Variants in SEPTIN2 observed in about 807,000 individuals in gnomAD.
The protein encoded by SEPTIN2 is septin 2.
In SEPTIN2, 34 loss-of-function variants were observed where a neutral mutation model predicts 46.5. The ratio of observed to expected loss-of-function variants is 0.73; its 90% CI spans 0.56 to 0.97. The LOEUF (loss-of-function observed/expected upper bound fraction) is 0.97. Ranked by LOEUF, SEPTIN2 falls within the 50% of genes least tolerant of loss-of-function variation. The pLI is 0.00. For missense variants in SEPTIN2, 347 were observed against 448.4 expected, an observed-to-expected ratio of 0.77 and a Z score of 2.04; for synonymous variants, 175 against 153.4, an observed-to-expected ratio of 1.14 and a Z score of -1.04.
chr2:241,327,699 G>A (rs2149932346), intron 3 of SEPTIN2, among the ~76,000 whole-genome samples: 1 of 151,932 alleles, frequency 6.6e-6, no homozygotes, highest in Admixed American at 6.6e-5. Flanking sequence ...ATAGAGAAAA[G>A]CACACCAAAG....
chr2:241,344,747 T>G (rs1180361366), intron 9 of SEPTIN2, among the ~76,000 whole-genome samples: 2 of 151,894 alleles, frequency 1.3e-5, no homozygotes, highest in Non-Finnish European at 2.9e-5. Context: ...TATTGTAACA[T>G]GCATACATTG....
chr2:241,332,817 CA>C (rs1221634846), intron 3 of SEPTIN2, among the ~76,000 whole-genome samples: 2 of 152,198 alleles, frequency 1.3e-5, no homozygotes, highest in Non-Finnish European at 2.9e-5. Flanking sequence ...GTAGATGCAA[CA>C]ACATGCATCA....
chr2:241,344,909 T>A (rs1203375052), intron 9 of SEPTIN2, among the ~76,000 whole-genome samples: 1 of 151,720 alleles, frequency 6.6e-6, no homozygotes, highest in African/African-American at 2.4e-5. Context: ...GCCGACATGG[T>A]GAAACCAGCC....
At chr2:241,342,961 A>G in intron 7 of SEPTIN2, 31 bp from the exon 8 acceptor site, 2 of 1,300,800 alleles carry the variant, frequency 1.5e-6, no homozygotes, top group Non-Finnish European at 2.2e-6. Context: ...GCAGTTTGCT[A>G]AAATTGATCC....
intron 3 of SEPTIN2, among the ~76,000 whole-genome samples, chr2:241,332,543 G>C (rs1206033550): frequency 1.3e-5 from 2 of 152,212 alleles, no homozygotes; most frequent in Non-Finnish European, 2.9e-5. Context: ...ACTCTTACTA[G>C]TGAGCATGTA....
chr2:241,339,035 T>C (rs1157430105), intron 7 of SEPTIN2, among the ~76,000 whole-genome samples: 1 of 91,282 alleles, frequency 1.1e-5, no homozygotes, highest in East Asian at 2.5e-4. Flanking sequence ...TTTATATACA[T>C]ATTATATATA....
At chr2:241,345,619 G>C (rs541761931) in intron 9 of SEPTIN2, among the ~76,000 whole-genome samples, 3 of 152,316 alleles carry the variant, frequency 2.0e-5, no homozygotes, top group African/African-American at 7.2e-5. Context: ...TTTTAAGAGT[G>C]CTTCATAAGA....
At chr2:241,333,407 C>T (rs77036037) in intron 3 of SEPTIN2, among the ~76,000 whole-genome samples, 1 of 152,190 alleles carries the variant, frequency 6.6e-6, no homozygotes, top group African/African-American at 2.4e-5. Flanking sequence ...TTTTTACACT[C>T]ATATTTAGGC....
chr2:241,316,378 G>C lies in SEPTIN2; in HGVS notation c.-18+396G>C, dbSNP rs1027383832. On this transcript the variant is annotated intron_variant, in intron 1 of 12. Coordinates refer to ENST00000391971, the MANE Select transcript of SEPTIN2 (RefSeq NM_004404.5). ...TAGGCCCGACAAACACTTAGAGCTT[G>C]TGTGGCCATCTTGTCTTTCTAACGG... 6.8e-6 allele frequency: 6 copies of C among 885,494 alleles called. No homozygotes were observed. The East Asian group carries it at 1.8e-4, about 27-fold the overall frequency. The allele number at this position is 885,494 out of a possible 1,614,324, so 54.9% of individuals were successfully genotyped here.
chr2:241,324,238 T>C lies in SEPTIN2; in HGVS notation c.6T>C (p.Ser2=), dbSNP rs1161604667. 1.9e-6 allele frequency: 3 copies of C among 1,610,186 alleles called. No homozygotes were observed. The highest frequency in any genetic ancestry group is 1.7e-5 in the Admixed American group (1 of 59,494). Residue 2 remains serine (S), a synonymous_variant, in exon 2 of 13, where the codon TCT becomes TCC. Transcript: ENST00000391971. The part of the protein sequence containing the change: M[S]KQQPTQFINP... ...CAGACGAAGCTTCACAAAAGATGTC[T>C]AAGGTAAGATCATACTTCATGTATC...
At chr2:241,322,708 A>G (rs1173694618) in intron 1 of SEPTIN2, among the ~76,000 whole-genome samples, 1 of 152,144 alleles carries the variant, frequency 6.6e-6, no homozygotes, top group African/African-American at 2.4e-5. Context: ...TCCTTTCCTC[A>G]TAAATGTAGT....
intron 7 of SEPTIN2, among the ~76,000 whole-genome samples, chr2:241,338,817 T>TTATTTATATATAATATATATTATATTTA (rs2080673854): frequency 9.6e-6 from 1 of 104,128 alleles, no homozygotes; most frequent in Non-Finnish European, 1.7e-5. Flanking sequence ...TATATTTATA[T>TTATTTATATATAATATATATTATATTTA]TATTTATATA....
Position 241,354,014 on chromosome 2 carries a change from G to A in SEPTIN2, c.*2077G>A, listed in dbSNP as rs1324199466. 6.6e-6 allele frequency: 1 copy of A among 152,214 alleles called. No homozygotes were observed. Among genetic ancestry groups the A allele is most frequent in the Non-Finnish European group, 1.5e-5 (1 of 68,040 alleles). The allele number at this position is 152,214 out of a possible 1,614,324, so 9.4% of individuals were successfully genotyped here. ...AACCTTTTATCAATAAAGCACTATT[G>A]TTTAGATATTAAATGAGTATTTCTC... On this transcript the variant is annotated 3_prime_UTR_variant, in exon 13 of 13. Transcript: ENST00000391971.
At chr2:241,338,533 T>C (rs1559640838) in intron 7 of SEPTIN2, among the ~76,000 whole-genome samples, 1 of 147,550 alleles carries the variant, frequency 6.8e-6, no homozygotes, top group Non-Finnish European at 1.5e-5. Context: ...GAGGATCACT[T>C]GAGCCCAGAA....
At chr2:241,338,492 G>C (rs2080413628) in intron 7 of SEPTIN2, among the ~76,000 whole-genome samples, 1 of 149,586 alleles carries the variant, frequency 6.7e-6, no homozygotes, top group Admixed American at 6.8e-5. Flanking sequence ...GCTGGGGCAG[G>C]GTAGGGGGAT....
At chr2:241,335,241 G>GT (rs1208287836) in intron 4 of SEPTIN2, 29 bp downstream of exon 4, 3 of 1,606,214 alleles carry the variant, frequency 1.9e-6, no homozygotes, top group Non-Finnish European at 2.6e-6. Context: ...TACTGTAAGT[G>GT]TAATTCTACA....
At chr2:241,342,394 G>C (rs912203963) in intron 7 of SEPTIN2, among the ~76,000 whole-genome samples, 1 of 151,844 alleles carries the variant, frequency 6.6e-6, no homozygotes, top group Non-Finnish European at 1.5e-5. Flanking sequence ...TTCCATTTTA[G>C]CTGTTGTGCT....
intron 1 of SEPTIN2, chr2:241,320,294 CT>C (rs1164817330): frequency 6.4e-6 from 3 of 470,994 alleles, no homozygotes; most frequent in Admixed American, 4.7e-5. Flanking sequence ...ATTGGTATGT[CT>C]TTAATCAGCT....
intron 7 of SEPTIN2, among the ~76,000 whole-genome samples, chr2:241,342,465 A>G (rs2150135439): frequency 6.7e-6 from 1 of 150,162 alleles, no homozygotes; most frequent in South Asian, 2.1e-4. Flanking sequence ...ATTATTGCTA[A>G]TGTTATTTTT....
Sources: allele counts gnomAD v4.1 joint callset (sites outside exome capture counted in the v4.1 genomes callset), GRCh38; gene constraint gnomAD v4.1.1; transcripts MANE v1.5; gene names NCBI Gene and HGNC (gene_info 2026-07-23, HGNC 2026-07-21).